The following PTPRD variants were observed in gnomAD, a reference collection of about 807,000 sequenced individuals.
PTPRD encodes the protein protein tyrosine phosphatase receptor type D.
A neutral mutation model predicts 214.5 loss-of-function variants in PTPRD; 34 were observed. That is an observed-to-expected ratio of 0.16 (90% confidence interval 0.12 to 0.21). The LOEUF is 0.21. Ranked by LOEUF, PTPRD falls within the 10% of genes least tolerant of loss-of-function variation. PTPRD has a pLI of 1.00. For synonymous variants in PTPRD, 1,128 were observed against 845.7 expected (o/e 1.33, Z -5.79); for missense variants, 2,545 against 2,398.7 (o/e 1.06, Z -1.27).
intron 39 of PTPRD, among the ~76,000 whole-genome samples, chr9:8,346,196 T>C (rs7848596): frequency 0.91 from 137,978 of 151,972 alleles, 62,695 homozygotes; most frequent in African/African-American, 0.94. Context: ...TTATAAATTG[T>C]TATGTATTCA....
chr9:10,534,202 T>A (rs1235597591), intron 2 of PTPRD, among the ~76,000 whole-genome samples: 1 of 151,958 alleles, frequency 6.6e-6, no homozygotes, highest in African/African-American at 2.4e-5. Context: ...TCTCCATATC[T>A]TTTAAACTTT....
At chr9:8,734,655 C>A (rs1423282844) in intron 11 of PTPRD, among the ~76,000 whole-genome samples, 1 of 152,196 alleles carries the variant, frequency 6.6e-6, no homozygotes, top group Non-Finnish European at 1.5e-5. Context: ...ATTTTTAGAG[C>A]ACCTACTGTG....
intron 7 of PTPRD, among the ~76,000 whole-genome samples, chr9:9,732,953 CT>C (rs1382662055): frequency 1.3e-5 from 2 of 151,812 alleles, no homozygotes; most frequent in African/African-American, 4.8e-5. Flanking sequence ...TTTCAAGTTC[CT>C]TTTGTTCATA....
intron 35 of PTPRD, among the ~76,000 whole-genome samples, chr9:8,416,461 G>A (rs2093944198): frequency 6.6e-6 from 1 of 152,130 alleles, no homozygotes; most frequent in Non-Finnish European, 1.5e-5. Context: ...TTTCCAGGAA[G>A]AGGGAAAAAA....
At chr9:9,654,335 ATAAG>A (rs1234244230) in intron 7 of PTPRD, among the ~76,000 whole-genome samples, 1 of 152,088 alleles carries the variant, frequency 6.6e-6, no homozygotes, top group Non-Finnish European at 1.5e-5. Flanking sequence ...AATGCTTAAG[ATAAG>A]TAATGATTTC....
chr9:9,901,650 G>T (rs147648894), intron 5 of PTPRD, among the ~76,000 whole-genome samples: 2 of 152,066 alleles, frequency 1.3e-5, no homozygotes, highest in African/African-American at 4.8e-5. Context: ...GAAGCTAGTG[G>T]TGAGTTGATT....
intron 2 of PTPRD, among the ~76,000 whole-genome samples, chr9:10,440,544 CATAGAGAAAG>C (rs1158055313): frequency 6.6e-6 from 1 of 151,486 alleles, no homozygotes; most frequent in Non-Finnish European, 1.5e-5. Flanking sequence ...GGTGATGAGA[CATAGAGAAAG>C]ATAGAGCAAG....
intron 7 of PTPRD, among the ~76,000 whole-genome samples, chr9:9,686,532 T>A (rs1021853630): frequency 6.6e-6 from 1 of 151,568 alleles, no homozygotes; most frequent in Non-Finnish European, 1.5e-5. Flanking sequence ...TAATCTATGC[T>A]GACAGAAGTC....
intron 10 of PTPRD, among the ~76,000 whole-genome samples, chr9:9,080,173 T>C (rs2099757022): frequency 6.6e-6 from 1 of 152,040 alleles, no homozygotes; most frequent in South Asian, 2.1e-4. Flanking sequence ...TCTCCCATGT[T>C]AAAAATAGAA....
intron 7 of PTPRD, among the ~76,000 whole-genome samples, chr9:9,646,339 G>C (rs1290926919): frequency 6.8e-6 from 1 of 147,622 alleles, no homozygotes; most frequent in African/African-American, 2.6e-5. Flanking sequence ...GTGTGTGTGT[G>C]TGTGGGTGTG....
chr9:10,397,305 G>A (rs546721375), intron 2 of PTPRD, among the ~76,000 whole-genome samples: 1 of 152,064 alleles, frequency 6.6e-6, no homozygotes, highest in Non-Finnish European at 1.5e-5. Flanking sequence ...TGGTACATCC[G>A]TCAGACATTT....
chr9:10,563,972 C>T (rs1324338499), intron 2 of PTPRD, among the ~76,000 whole-genome samples: 2 of 151,556 alleles, frequency 1.3e-5, no homozygotes, highest in Non-Finnish European at 2.9e-5. Flanking sequence ...GAAACATCAT[C>T]TGTGCCAGTT....
In PTPRD at chr9:10,471,506, T is replaced by A. The variant is rs564386666; in HGVS notation, c.-599-130489A>T. Among the ~76,000 whole-genome samples the A allele has an allele frequency of 2.6e-5, 4 of 152,150 alleles. No homozygotes were observed. In the South Asian group the frequency reaches 6.2e-4, roughly 24 times the overall value. On this transcript the variant is annotated intron_variant, in intron 2 of 45. Coordinates refer to ENST00000381196, the MANE Select transcript of PTPRD (RefSeq NM_002839.4). ...AGACTGCCCTGGCTTGTCATCTGAG[T>A]TTTTAGTGTTTGTATGATTTTGTAC... is the stretch of plus-strand genomic sequence containing the variant.
At chr9:9,173,907 T>G (rs889144758) in intron 10 of PTPRD, among the ~76,000 whole-genome samples, 1 of 152,108 alleles carries the variant, frequency 6.6e-6, no homozygotes, top group Non-Finnish European at 1.5e-5. Flanking sequence ...TGGCCCACTT[T>G]GGCTCCTACC....
chr9:8,473,982 C>T (rs1275565746), intron 30 of PTPRD, among the ~76,000 whole-genome samples: 1 of 152,202 alleles, frequency 6.6e-6, no homozygotes, highest in African/African-American at 2.4e-5. Flanking sequence ...CTCTCTGCAA[C>T]TATAGCTTTG....
At chr9:9,538,983 A>T (rs965297685) in intron 8 of PTPRD, among the ~76,000 whole-genome samples, 2 of 151,866 alleles carry the variant, frequency 1.3e-5, no homozygotes, top group Non-Finnish European at 2.9e-5. Flanking sequence ...ATGATAGAGC[A>T]GTAAGTAAGA....
At chr9:10,465,585 C>A (rs946415206) in intron 2 of PTPRD, among the ~76,000 whole-genome samples, 1 of 152,072 alleles carries the variant, frequency 6.6e-6, no homozygotes, top group African/African-American at 2.4e-5. Flanking sequence ...GTTATTGTAG[C>A]CATTGTAACT....
At chr9:9,371,262 A>C (rs555603511) in intron 9 of PTPRD, among the ~76,000 whole-genome samples, 180 of 151,976 alleles carry the variant, frequency 1.2e-3, no homozygotes, top group African/African-American at 4.2e-3. Context: ...TTGGTTGGTA[A>C]GGTATTAATT....
At chr9:10,006,873 C>A (rs759047855) in intron 4 of PTPRD, among the ~76,000 whole-genome samples, 1 of 151,850 alleles carries the variant, frequency 6.6e-6, no homozygotes, top group Non-Finnish European at 1.5e-5. Context: ...TGGAACAAGG[C>A]TATTCTGACA....
Sources: allele counts gnomAD v4.1 joint callset (sites outside exome capture counted in the v4.1 genomes callset), GRCh38; gene constraint gnomAD v4.1.1; transcripts MANE v1.5; gene names NCBI Gene and HGNC (gene_info 2026-07-23, HGNC 2026-07-21).